PSMD13: variants seen among roughly 807,000 people sequenced by gnomAD.
The protein encoded by PSMD13 is 26S proteasome non-ATPase regulatory subunit 13.
Under a neutral mutation model 57.4 loss-of-function variants are expected in PSMD13, and 8 were observed. The ratio of observed to expected loss-of-function variants is 0.14; its 90% CI spans 0.08 to 0.25. PSMD13 has a LOEUF of 0.25. Among genes scored for constraint, PSMD13 ranks in the 10% least tolerant of loss-of-function variants. The pLI is 1.00. For synonymous variants in PSMD13, 193 were observed against 168.2 expected (o/e 1.15, Z -1.14); for missense variants, 400 against 461.5 (o/e 0.87, Z 1.22).
rs2272567 is a variant in PSMD13 at position 251,780 on chromosome 11, C to G, written c.919-40C>G. 10,075 of 1,589,334 alleles carry G rather than the reference C, an allele frequency of 6.3e-3. 430 individuals are homozygous for G. In the East Asian group the frequency reaches 0.12, roughly 18 times the overall value. The stretch of plus-strand genomic sequence containing the variant: ...GCCATCTGGGTCCATGGGGGTGTGT[C>G]AGGCTATCTTGTCTTACACACGCCT... On this transcript the variant is annotated intron_variant, in intron 11 of 12. Transcript: ENST00000532097. This position sits in a 1 kb window ranked among gnomAD's most constrained non-coding sequence, Gnocchi z 4.6.
At position 251,113 on chromosome 11, in the gene PSMD13, T is replaced by G. The variant is rs1223301231; in HGVS notation, c.837+248T>G. On this transcript the variant is annotated intron_variant, in intron 10 of 12. Transcript: ENST00000532097. This position sits in a 1 kb window ranked among gnomAD's most constrained non-coding sequence, Gnocchi z 4.6. ...CACCCTGAGGCCTTCCCTGACCATC[T>G]GAACTGAGATGAAGTAGCTGCCCCT... The G allele has an allele frequency of 1.9e-6, 1 of 515,528 alleles. No homozygotes were observed. The highest frequency in any genetic ancestry group is 3.2e-5 in the Admixed American group (1 of 30,828). The allele number at this position is 515,528 out of a possible 1,614,324, so 31.9% of individuals were successfully genotyped here. A position where few individuals can be genotyped will look rare whatever the true frequency, so the allele number is the denominator to read the frequency against.
At chr11:238,307 A>G (rs1438170326) in intron 1 of PSMD13, among the ~76,000 whole-genome samples, 3 of 152,240 alleles carry the variant, frequency 2.0e-5, no homozygotes, top group Admixed American at 1.3e-4. Context: ...AAACCTCACA[A>G]TAACCCTTTG....
chr11:248,944 G>A lies in PSMD13; in HGVS notation c.661G>A (p.Val221Met), dbSNP rs1272311104. 2 of 1,614,066 alleles carry A rather than the reference G, an allele frequency of 1.2e-6. No individual in the cohort carries two copies. Among genetic ancestry groups the A allele is most frequent in the African/African-American group, 2.7e-5 (2 of 74,930 alleles). The change falls in exon 9 of 13, where the codon GTG becomes ATG. Residue 221 changes from valine (V) to methionine (M), a missense_variant. Transcript: ENST00000532097. ...FNFGELLMHP[V>M]LESLRNTDRQ... ...TCCATCCTCACAGCTCATGCACCCTGTGCTGGAGTCCCTGAGGAATACTGA... is the reference window on the plus strand; with the variant it reads ...TCCATCCTCACAGCTCATGCACCCTATGCTGGAGTCCCTGAGGAATACTGA...
chr11:250,136 G>A (rs1408217041), intron 9 of PSMD13, among the ~76,000 whole-genome samples: 1 of 152,190 alleles, frequency 6.6e-6, no homozygotes, highest in African/African-American at 2.4e-5. Context: ...GACCTGTCCA[G>A]TACTTGTGGC....
chr11:250,649 T>G, intron 9 of PSMD13, 154 bp from the exon 10 acceptor site: 1 of 622,132 alleles, frequency 1.6e-6, no homozygotes, highest in Non-Finnish European at 2.9e-6. Context: ...CACTTGTTGT[T>G]AATGAGCTTC....
In PSMD13 at chr11:236,985, C is replaced by A. The variant is rs1341091571; in HGVS notation, c.-65C>A. 3 of 1,392,864 alleles carry A rather than the reference C, an allele frequency of 2.2e-6. No individual in the cohort carries two copies. Among genetic ancestry groups the A allele is most frequent in the Non-Finnish European group, 3.0e-6 (3 of 988,670 alleles). 86.3% of individuals were successfully genotyped at this position (1,392,864 alleles called of 1,614,324 possible). A position where few individuals can be genotyped will look rare whatever the true frequency, so the allele number is the denominator to read the frequency against. On this transcript the variant is annotated 5_prime_UTR_variant, in exon 1 of 13. Coordinates refer to ENST00000532097, the MANE Select transcript of PSMD13 (RefSeq NM_002817.4). ...GGCGCCGGAAGTGAGTGAGCATTTC[C>A]GGCAGCCATCCCCGCGGTGCTGACA...
intron 1 of PSMD13, among the ~76,000 whole-genome samples, chr11:238,772 C>T (rs1282462025): frequency 2.0e-5 from 3 of 152,192 alleles, no homozygotes; most frequent in Non-Finnish European, 4.4e-5. Context: ...GTTCAGTATC[C>T]ATAAATCAAA....
chr11:251,787 T>G lies in PSMD13; in HGVS notation c.919-33T>G. ...GGGTCCATGGGGGTGTGTCAGGCTA[T>G]CTTGTCTTACACACGCCTCCCTCTC... On this transcript the variant is annotated intron_variant, in intron 11 of 12. Coordinates refer to ENST00000532097, the MANE Select transcript of PSMD13 (RefSeq NM_002817.4). The surrounding 1 kb of genome is among the most constrained non-coding windows in gnomAD (Gnocchi z 4.6). The G allele has an allele frequency of 6.3e-7, 1 of 1,599,134 alleles. No individual in the cohort carries two copies. Among genetic ancestry groups the G allele is most frequent in the Non-Finnish European group, 8.6e-7 (1 of 1,167,830 alleles).
At position 244,459 on chromosome 11, in the gene PSMD13, C is replaced by G. The variant is rs759314126; in HGVS notation, c.299C>G (p.Thr100Ser). The change falls in exon 5 of 13, where the codon ACT becomes AGT. Residue 100 changes from threonine (T) to serine (S), a missense_variant. Thr to Ser is a moderately conservative substitution (Grantham distance 58). Transcript: ENST00000532097. The part of the protein sequence containing the change: ...PNVALTFLEK[T>S]REKVKSSDEA... ...GTGGCTCTTACTTTTCTGGAAAAGA[C>G]TCGTGAGAAGGTAAATGTGGCATGT... The G allele has an allele frequency of 1.2e-6, 2 of 1,607,862 alleles. No homozygotes were observed. The highest frequency in any genetic ancestry group is 2.2e-5 in the South Asian group (2 of 90,818).
In PSMD13 at chr11:244,007, TC is replaced by T. The variant is rs747112865; in HGVS notation, c.175-32del. 30 of 1,579,526 alleles carry T rather than the reference TC, an allele frequency of 1.9e-5. No homozygotes were observed. The Admixed American group carries it at 5.2e-4, about 28-fold the overall frequency. On this transcript the variant is annotated intron_variant, in intron 2 of 12. Transcript: ENST00000532097. ...TCTTCGTTTTGCAGAATAAAAGACA[TC>T]CTATAATTTCTCTCCATGTTTTGGT...
chr11:244,253 A>G (rs753687040), intron 4 of PSMD13, 37 bp downstream of exon 4: 1 of 1,598,554 alleles, frequency 6.3e-7, no homozygotes, highest in African/African-American at 1.4e-5. Flanking sequence ...AGCAGATCCA[A>G]ATGGTGGTTA....
chr11:244,909 TA>T (rs1859598035), intron 6 of PSMD13, 148 bp downstream of exon 6: 1 of 538,262 alleles, frequency 1.9e-6, no homozygotes, highest in Non-Finnish European at 3.2e-6. Flanking sequence ...AGAACTACTA[TA>T]CCCCAACCTA....
intron 2 of PSMD13, among the ~76,000 whole-genome samples, chr11:241,887 C>T (rs528696292): frequency 6.6e-6 from 1 of 152,266 alleles, no homozygotes; most frequent in Admixed American, 6.5e-5. Context: ...GCACTCTGGA[C>T]AGAGACCAAT....
intron 9 of PSMD13, among the ~76,000 whole-genome samples, chr11:250,196 G>C (rs1337389625): frequency 6.6e-6 from 1 of 152,172 alleles, no homozygotes; most frequent in Non-Finnish European, 1.5e-5. Context: ...GTTGCTATTT[G>C]AATTAAAACA....
intron 2 of PSMD13, 47 bp from the exon 3 acceptor site, chr11:243,994 A>G (rs757968573): frequency 9.6e-6 from 15 of 1,556,432 alleles, no homozygotes; most frequent in Non-Finnish European, 1.3e-5. Flanking sequence ...TTCGTTTTGC[A>G]GAATAAAAGA....
At position 251,116 on chromosome 11, in the gene PSMD13, A is replaced by G. The variant is rs1474789660; in HGVS notation, c.837+251A>G. On this transcript the variant is annotated intron_variant, in intron 10 of 12. Coordinates refer to ENST00000532097, the MANE Select transcript of PSMD13 (RefSeq NM_002817.4). The surrounding 1 kb of genome is among the most constrained non-coding windows in gnomAD (Gnocchi z 4.6). ...CCTGAGGCCTTCCCTGACCATCTGA[A>G]CTGAGATGAAGTAGCTGCCCCTCTC... The G allele has an allele frequency of 5.8e-6, 3 of 514,540 alleles. No individual in the cohort carries two copies. The highest frequency in any genetic ancestry group is 1.1e-5 in the Non-Finnish European group (3 of 284,414). The allele number at this position is 514,540 out of a possible 1,614,324, so 31.9% of individuals were successfully genotyped here.
chr11:244,544 C>A, intron 5 of PSMD13, 75 bp downstream of exon 5: 1 of 1,534,802 alleles, frequency 6.5e-7, no homozygotes, highest in South Asian at 1.1e-5. Flanking sequence ...TGTTCATGCT[C>A]ACTGTCCAGA....
At position 237,106 on chromosome 11, in the gene PSMD13, C is replaced by T. The variant is rs775372706; in HGVS notation, c.57C>T (p.Pro19=). 6 of 1,610,842 alleles carry T rather than the reference C, an allele frequency of 3.7e-6. No individual in the cohort carries two copies. The African/African-American group carries it at 5.4e-5, about 14-fold the overall frequency. Residue 19 remains proline, a synonymous_variant, in exon 1 of 13, where the codon CCC becomes CCT. Transcript: ENST00000532097. ...GCCAGAACTCCGGGCCCGGGCAGCC[C>T]GCTGTGTGGCACCGTCTGGAGGAGC... ...QQSQNSGPGQ[P]AVWHRLEELY... is the part of the protein sequence containing the mutation.
At position 252,664 on chromosome 11, in the gene PSMD13, A is replaced by G; in HGVS notation, c.*64A>G. On this transcript the variant is annotated 3_prime_UTR_variant, in exon 13 of 13. Coordinates refer to ENST00000532097, the MANE Select transcript of PSMD13 (RefSeq NM_002817.4). The surrounding 1 kb of genome is among the most constrained non-coding windows in gnomAD (Gnocchi z 4.1). ...TGAGAGAGGCGTTTGCAGCCAATGA[A>G]GCTGGCTGCTCAGACGGTCGACATT... 3 of 1,472,460 alleles carry G rather than the reference A, an allele frequency of 2.0e-6. No homozygotes were observed. Among genetic ancestry groups the G allele is most frequent in the Non-Finnish European group, 2.8e-6 (3 of 1,053,578 alleles). 91.2% of individuals were successfully genotyped at this position (1,472,460 alleles called of 1,614,324 possible).
Sources: gnomAD v4.1 joint callset for allele counts (sites outside exome capture counted in the v4.1 genomes callset) on GRCh38, gnomAD v4.1.1 for gene constraint, Gnocchi (gnomAD v3.1) non-coding constraint, MANE v1.5 for transcripts, NCBI Gene and HGNC (gene_info 2026-07-23, HGNC 2026-07-21) for gene names.